The following TAB2 variants were observed in gnomAD, a reference collection of about 807,000 sequenced individuals.
TAB2 encodes the protein TGF-beta activated kinase 1 (MAP3K7) binding protein 2.
In TAB2, 3 loss-of-function variants were observed where a neutral mutation model predicts 65.0. The observed-to-expected ratio is 0.05, with a 90% CI of 0.02 to 0.12. TAB2 has a LOEUF of 0.12. TAB2 is among the 10% of genes least tolerant of loss of function. TAB2 has a pLI of 1.00. For synonymous variants in TAB2, 298 were observed against 285.1 expected (o/e 1.05, Z -0.46); for missense variants, 623 against 840.3 (o/e 0.74, Z 3.20).
chr6:149,270,609 G>A (rs1170011106), intron 1 of TAB2, among the ~76,000 whole-genome samples: 1 of 152,084 alleles, frequency 6.6e-6, no homozygotes, highest in Non-Finnish European at 1.5e-5. Flanking sequence ...AAAACATCAT[G>A]TTTTACACCA....
intron 1 of TAB2, among the ~76,000 whole-genome samples, chr6:149,288,629 A>G (rs1380309362): frequency 6.6e-6 from 1 of 152,178 alleles, no homozygotes. Flanking sequence ...AAATACTGCA[A>G]TTGTACTATG....
At chr6:149,377,003 G>C (rs546014015) in intron 2 of TAB2, among the ~76,000 whole-genome samples, 1 of 151,446 alleles carries the variant, frequency 6.6e-6, no homozygotes, top group Non-Finnish European at 1.5e-5. Flanking sequence ...CAAGTTAAGA[G>C]GAAGCGTGTG....
In TAB2 at chr6:149,402,153, G is replaced by T. The variant is rs556300774; in HGVS notation, c.1939+2969G>T. Among the ~76,000 whole-genome samples the T allele has an allele frequency of 4.6e-5, 7 of 151,786 alleles. No homozygotes were observed. In the South Asian group the frequency reaches 1.5e-3, roughly 32 times the overall value. Reference sequence around the variant, plus strand: ...AGAAAAAGAAATAGTAAAACTAAGAGGTTTTTTAAAAAATCAACAAGATTG... The same window carrying T: ...AGAAAAAGAAATAGTAAAACTAAGATGTTTTTTAAAAAATCAACAAGATTG... On this transcript the variant is annotated intron_variant, in intron 6 of 6. Transcript: ENST00000637181.
At chr6:149,369,481 A>C (rs1781148501) in intron 1 of TAB2, among the ~76,000 whole-genome samples, 1 of 152,190 alleles carries the variant, frequency 6.6e-6, no homozygotes, top group African/African-American at 2.4e-5. Flanking sequence ...TTGGGTTTTG[A>C]ATCATTAAGT....
chr6:149,386,434 A>G (rs1442131047), intron 3 of TAB2, among the ~76,000 whole-genome samples: 1 of 146,768 alleles, frequency 6.8e-6, no homozygotes, highest in African/African-American at 2.5e-5. Flanking sequence ...CCTGTAAGCT[A>G]TCACCTCCCT....
intron 1 of TAB2, among the ~76,000 whole-genome samples, chr6:149,307,980 A>G (rs1414161705): frequency 6.6e-6 from 1 of 152,184 alleles, no homozygotes; most frequent in East Asian, 1.9e-4. Flanking sequence ...ATTTTTGACA[A>G]TGTCAAGAAA....
At chr6:149,368,444 C>G (rs1189767971) in intron 1 of TAB2, among the ~76,000 whole-genome samples, 1 of 151,800 alleles carries the variant, frequency 6.6e-6, no homozygotes, top group Non-Finnish European at 1.5e-5. Context: ...TATAAACAAC[C>G]CTTTCCAGGA....
intron 1 of TAB2, among the ~76,000 whole-genome samples, chr6:149,266,830 C>A (rs1778273381): frequency 1.3e-5 from 2 of 152,130 alleles, no homozygotes; most frequent in Admixed American, 6.5e-5. Context: ...CAGTCAGGGT[C>A]TGGTTGAGTG....
intron 1 of TAB2, among the ~76,000 whole-genome samples, chr6:149,309,220 T>C (rs1307640764): frequency 6.6e-6 from 1 of 152,178 alleles, no homozygotes; most frequent in African/African-American, 2.4e-5. Context: ...ATGACAATCA[T>C]AGCAACAACT....
chr6:149,282,494 G>A (rs548796143), intron 1 of TAB2, among the ~76,000 whole-genome samples: 35 of 152,090 alleles, frequency 2.3e-4, no homozygotes, highest in South Asian at 8.3e-4. Flanking sequence ...CAAAATAGAC[G>A]TTCTTTTGAA....
intron 3 of TAB2, among the ~76,000 whole-genome samples, chr6:149,394,903 A>G (rs2114934573): frequency 1.3e-5 from 2 of 152,364 alleles, no homozygotes; most frequent in Non-Finnish European, 2.9e-5. Context: ...TGTCACAACT[A>G]TTTAATTCTG....
chr6:149,314,794 G>A (rs1199143100), upstream of TAB2, among the ~76,000 whole-genome samples: 2 of 151,840 alleles, frequency 1.3e-5, no homozygotes, highest in African/African-American at 4.8e-5. Flanking sequence ...AACAGCCCCA[G>A]GTAGCAAGTG....
intron 1 of TAB2, among the ~76,000 whole-genome samples, chr6:149,337,510 A>G (rs923431950): frequency 1.3e-5 from 2 of 152,082 alleles, no homozygotes; most frequent in Non-Finnish European, 2.9e-5. Flanking sequence ...AATTTTGTTC[A>G]TTTGTTTGTT....
At chr6:149,260,042 C>T (rs536725707) in intron 1 of TAB2, among the ~76,000 whole-genome samples, 4 of 152,330 alleles carry the variant, frequency 2.6e-5, no homozygotes, top group South Asian at 2.1e-4. Context: ...CAATCATCCC[C>T]AAGAGGAAGT....
At chr6:149,353,503 G>T (rs1780557014) in intron 1 of TAB2, among the ~76,000 whole-genome samples, 1 of 152,154 alleles carries the variant, frequency 6.6e-6, no homozygotes, top group Non-Finnish European at 1.5e-5. Context: ...CACTAACTTA[G>T]TGCTAGCAAG....
chr6:149,397,537 C>G (rs1782213537), intron 3 of TAB2, 67 bp from the exon 4 acceptor site: 3 of 1,558,982 alleles, frequency 1.9e-6, no homozygotes. Flanking sequence ...GTTTGCTTTT[C>G]CAAGTCTGCT....
chr6:149,335,101 T>C (rs1057399945), intron 1 of TAB2, among the ~76,000 whole-genome samples: 21 of 152,070 alleles, frequency 1.4e-4, no homozygotes, highest in Admixed American at 1.4e-3. Flanking sequence ...AAAGTAATTT[T>C]TTTTAGTCAC....
chr6:149,390,485 T>C lies in TAB2; in HGVS notation c.1604-7119T>C, dbSNP rs150861889. Among the ~76,000 whole-genome samples the C allele has an allele frequency of 4.2e-3, 639 of 152,356 alleles. 4 individuals carry two copies. The highest frequency in any genetic ancestry group is 0.015 in the African/African-American group (609 of 41,594). ...TTTAAACTTCTGGAGAAATTTGACA[T>C]TATTTACAGTAAAAAAATAACTAAA... is the stretch of plus-strand genomic sequence containing the variant. On this transcript the variant is annotated intron_variant, in intron 3 of 6. Transcript: ENST00000637181.
chr6:149,301,963 G>A (rs1355783796), intron 1 of TAB2, among the ~76,000 whole-genome samples: 11 of 151,882 alleles, frequency 7.2e-5, no homozygotes, highest in Admixed American at 1.3e-4. Context: ...AAATAACTTC[G>A]GTGAAGAGTT....
Sources: allele counts gnomAD v4.1 joint callset (sites outside exome capture counted in the v4.1 genomes callset), GRCh38; gene constraint gnomAD v4.1.1; transcripts MANE v1.5; gene names NCBI Gene and HGNC (gene_info 2026-07-23, HGNC 2026-07-21).